The following ASIC2 variants were observed in gnomAD, a reference collection of about 807,000 sequenced individuals.
The protein encoded by ASIC2 is acid sensing ion channel subunit 2.
ASIC2 carries 25 observed loss-of-function variants against 57.3 expected under a neutral mutation model. The ratio of observed to expected loss-of-function variants is 0.44; its 90% CI spans 0.32 to 0.61. The LOEUF (loss-of-function observed/expected upper bound fraction) is 0.61. Ranked by LOEUF, ASIC2 falls within the 20% of genes least tolerant of loss-of-function variation. ASIC2 has a pLI of 0.06. For missense variants in ASIC2, 641 were observed against 738.1 expected (o/e 0.87, Z 1.52); for synonymous variants, 319 against 307.5 (o/e 1.04, Z -0.39).
At chr17:33,942,253 C>G (rs1425879527) in intron 1 of ASIC2, among the ~76,000 whole-genome samples, 1 of 152,110 alleles carries the variant, frequency 6.6e-6, no homozygotes, top group Admixed American at 6.5e-5. Context: ...TAGGTGGGTT[C>G]CTGCAGCAGC....
intron 1 of ASIC2, chr17:34,041,286 A>G (rs1418457759): frequency 6.6e-6 from 1 of 152,204 alleles, no homozygotes; most frequent in African/African-American, 2.4e-5. Flanking sequence ...GAGGCAGAAG[A>G]AGAGACTGGT....
chr17:33,933,925 G>A (rs1916001508), intron 1 of ASIC2, among the ~76,000 whole-genome samples: 2 of 152,222 alleles, frequency 1.3e-5, no homozygotes, highest in Non-Finnish European at 1.5e-5. Context: ...CCAAGATCAG[G>A]AGCTCACTCC....
intron 1 of ASIC2, among the ~76,000 whole-genome samples, chr17:33,226,182 G>A (rs1907873757): frequency 6.6e-6 from 1 of 152,100 alleles, no homozygotes; most frequent in African/African-American, 2.4e-5. Context: ...CAATTGGTTT[G>A]TTATTGGTTT....
chr17:33,232,504 G>A (rs1291121942), intron 1 of ASIC2, among the ~76,000 whole-genome samples: 9 of 90,100 alleles, frequency 1.0e-4, no homozygotes, highest in Non-Finnish European at 1.9e-4. Context: ...GGTACGGTAT[G>A]GTATGGTATG....
At chr17:34,027,805 G>A (rs549690289) in intron 1 of ASIC2, among the ~76,000 whole-genome samples, 1 of 152,290 alleles carries the variant, frequency 6.6e-6, no homozygotes, top group South Asian at 2.1e-4. Context: ...CTCACTCACT[G>A]CTATATCTCT....
chr17:33,298,594 A>C (rs997769067), intron 1 of ASIC2, among the ~76,000 whole-genome samples: 3 of 152,162 alleles, frequency 2.0e-5, no homozygotes, highest in Non-Finnish European at 4.4e-5. Flanking sequence ...ATGATTTATA[A>C]TCCTTTGGGT....
intron 3 of ASIC2, among the ~76,000 whole-genome samples, chr17:33,038,588 C>T (rs2141914957): frequency 6.6e-6 from 1 of 152,324 alleles, no homozygotes; most frequent in South Asian, 2.1e-4. Context: ...TCCTCCCCCA[C>T]TCTTTCTCCA....
intron 1 of ASIC2, among the ~76,000 whole-genome samples, chr17:33,547,983 C>G (rs536590687): frequency 1.4e-4 from 22 of 152,312 alleles, no homozygotes; most frequent in African/African-American, 5.1e-4. Context: ...CAGCCAGGCA[C>G]AAGATACAGG....
At chr17:33,537,905 C>T (rs76614994) in intron 1 of ASIC2, among the ~76,000 whole-genome samples, 7,246 of 152,252 alleles carry the variant, frequency 0.048, 220 homozygotes, top group Non-Finnish European at 0.071. Flanking sequence ...TAGCCTAAAG[C>T]CTCTTTGTTA....
intron 1 of ASIC2, among the ~76,000 whole-genome samples, chr17:33,423,345 C>T (rs992948932): frequency 6.6e-6 from 1 of 152,146 alleles, no homozygotes; most frequent in Non-Finnish European, 1.5e-5. Context: ...CTGGTCCTAT[C>T]AGTGACTGGG....
chr17:33,744,802 A>G (rs894016253), intron 1 of ASIC2, among the ~76,000 whole-genome samples: 1 of 152,218 alleles, frequency 6.6e-6, no homozygotes, highest in Admixed American at 6.5e-5. Context: ...GCGTGCTTAA[A>G]TAAGTAAAGA....
intron 1 of ASIC2, among the ~76,000 whole-genome samples, chr17:33,589,002 A>G (rs908699807): frequency 3.3e-5 from 5 of 152,256 alleles, no homozygotes; most frequent in Admixed American, 2.6e-4. Flanking sequence ...TATCCAACCA[A>G]TCACCACTGG....
At chr17:33,390,354 T>C (rs1057399204) in intron 1 of ASIC2, among the ~76,000 whole-genome samples, 4 of 152,178 alleles carry the variant, frequency 2.6e-5, no homozygotes, top group Non-Finnish European at 5.9e-5. Context: ...TCTTCTCTTT[T>C]CTTCCTTTAG....
chr17:33,816,047 G>A (rs1356698466), intron 1 of ASIC2, among the ~76,000 whole-genome samples: 1 of 152,076 alleles, frequency 6.6e-6, no homozygotes, highest in Non-Finnish European at 1.5e-5. Context: ...ATAAGGAAGG[G>A]GGTTATTACA....
At chr17:33,765,239 G>A (rs1393261403) in intron 1 of ASIC2, among the ~76,000 whole-genome samples, 3 of 152,034 alleles carry the variant, frequency 2.0e-5, no homozygotes, top group African/African-American at 7.3e-5. Flanking sequence ...CCGAGTAGCT[G>A]GGACTACAGG....
intron 1 of ASIC2, among the ~76,000 whole-genome samples, chr17:33,878,784 C>A (rs1914619787): frequency 6.6e-6 from 1 of 152,174 alleles, no homozygotes; most frequent in African/African-American, 2.4e-5. Context: ...TCGAGAAGAG[C>A]AACTCCAAGA....
chr17:33,789,290 A>G (rs184929718), intron 1 of ASIC2, among the ~76,000 whole-genome samples: 9 of 152,324 alleles, frequency 5.9e-5, no homozygotes, highest in African/African-American at 1.9e-4. Context: ...ATCTCACAGG[A>G]GAAGGAACAT....
intron 1 of ASIC2, among the ~76,000 whole-genome samples, chr17:33,238,277 G>C (rs1167052653): frequency 1.3e-5 from 2 of 152,326 alleles, no homozygotes; most frequent in East Asian, 3.9e-4. Flanking sequence ...TGGACTACGA[G>C]GCTGCTCCTT....
At chr17:33,973,779 G>T (rs745814471) in intron 1 of ASIC2, among the ~76,000 whole-genome samples, 2 of 147,068 alleles carry the variant, frequency 1.4e-5, no homozygotes, top group Non-Finnish European at 3.0e-5. Context: ...TTGCAAACAG[G>T]TTCTCCTCTG....
Sources: allele counts gnomAD v4.1 joint callset (sites outside exome capture counted in the v4.1 genomes callset), GRCh38; gene constraint gnomAD v4.1.1; transcripts MANE v1.5; gene names NCBI Gene and HGNC (gene_info 2026-07-23, HGNC 2026-07-21).